The following WDR46 variants were observed in gnomAD, a reference collection of about 807,000 sequenced individuals.
WDR46 encodes the protein WD repeat-containing protein 46.
Under a neutral mutation model 74.7 loss-of-function variants are expected in WDR46, and 58 were observed. The ratio of observed to expected loss-of-function variants is 0.78; its 90% CI spans 0.63 to 0.97. WDR46 has a LOEUF of 0.97. WDR46 is among the 50% of genes least tolerant of loss of function. WDR46 has a pLI of 0.00. For missense variants in WDR46, 702 were observed against 790.1 expected (o/e 0.89, Z 1.34); for synonymous variants, 278 against 297.3 (o/e 0.93, Z 0.67).
chr6:33,282,023 T>A (rs1313033278), intron 10 of WDR46, among the ~76,000 whole-genome samples: 1 of 152,156 alleles, frequency 6.6e-6, no homozygotes, highest in Non-Finnish European at 1.5e-5. Flanking sequence ...GGTTTCGCCA[T>A]GTTGACCACG....
intron 12 of WDR46, among the ~76,000 whole-genome samples, chr6:33,280,214 G>C (rs1452670575): frequency 6.7e-6 from 1 of 149,002 alleles, no homozygotes; most frequent in Non-Finnish European, 1.5e-5. Flanking sequence ...CCGTCCAGGA[G>C]AGGGGAATCT....
chr6:33,285,407 CATGG>C (rs1326441580), intron 10 of WDR46, among the ~76,000 whole-genome samples: 1 of 151,798 alleles, frequency 6.6e-6, no homozygotes, highest in African/African-American at 2.4e-5. Flanking sequence ...TTTGCCATGT[CATGG>C]GTGACATGGC....
At position 33,288,874 on chromosome 6, in the gene WDR46, G is replaced by A. The variant is rs750504323; in HGVS notation, c.209C>T (p.Ser70Phe). The A allele has an allele frequency of 6.2e-7, 1 of 1,614,020 alleles. No individual in the cohort carries two copies. ...NAYILKKSRISKKPQVPKKPR... is the reference protein window; with the variant it reads ...NAYILKKSRIFKKPQVPKKPR... ...TTTCTTCGGGACCTGAGGCTTCTTA[G>A]AGATCCGAGACTTCTTTAAGATGTA... is the stretch of plus-strand genomic sequence containing the variant. The change falls in exon 2 of 15, where the codon TCT becomes TTT. Residue 70 changes from serine (S) to phenylalanine (F), a missense_variant. Coordinates refer to ENST00000374617, the MANE Select transcript of WDR46 (RefSeq NM_005452.6).
rs1766060143 is a variant in WDR46 at position 33,280,440 on chromosome 6, G to A, written c.1512C>T (p.Ala504=). The change falls in exon 12 of 15, where the codon GCC becomes GCT. Residue 504 remains alanine (A), a synonymous_variant. Transcript: ENST00000374617. ...AGGGGAGCCTCACCTTCTCTAGCAG[G>A]GCCTTCACCTCCCACTCCTGGCGCT... ...RKQRQEWEVK[A]LLEKVPAELI... 1 of 1,580,692 alleles carries A rather than the reference G, an allele frequency of 6.3e-7. No homozygotes were observed. The highest frequency in any genetic ancestry group is 1.3e-5 in the African/African-American group (1 of 74,492).
In WDR46 at chr6:33,288,426, A is replaced by G. The variant is rs1283110918; in HGVS notation, c.405T>C (p.Ala135=). The change falls in exon 4 of 15, where the codon GCT becomes GCC. Residue 135 remains alanine, a synonymous_variant. Coordinates refer to ENST00000374617, the MANE Select transcript of WDR46 (RefSeq NM_005452.6). ...KAKTRSRLEV[A]EAEEEETSIK... ...TACTTGTTTCCTCTTCCTCAGCTTC[A>G]GCCACCTCAAGTCGGCTTCGAGTTT... 6.2e-7 allele frequency: 1 copy of G among 1,614,178 alleles called. No individual in the cohort carries two copies. The highest frequency in any genetic ancestry group is 8.5e-7 in the Non-Finnish European group (1 of 1,180,044).
Position 33,288,003 on chromosome 6 carries a change from C to T in WDR46, c.585G>A (p.Gln195=). The T allele has an allele frequency of 1.2e-6, 2 of 1,614,228 alleles. No homozygotes were observed. The highest frequency in any genetic ancestry group is 1.7e-6 in the Non-Finnish European group (2 of 1,180,036). The change falls in exon 6 of 15, where the codon CAG becomes CAA. Residue 195 remains glutamine (Q), a synonymous_variant. Coordinates refer to ENST00000374617, the MANE Select transcript of WDR46 (RefSeq NM_005452.6). ...AGTAGTTTAGTCTGTAGGGTCCAAACTGCCGCAGATTCAAGTCAAAGTGCT... is the reference window on the plus strand; with the variant it reads ...AGTAGTTTAGTCTGTAGGGTCCAAATTGCCGCAGATTCAAGTCAAAGTGCT... ...AAKHFDLNLR[Q]FGPYRLNYSR... is the part of the protein sequence containing the mutation.
At chr6:33,286,136 G>A (rs559781624) in intron 10 of WDR46, among the ~76,000 whole-genome samples, 1 of 132,722 alleles carries the variant, frequency 7.5e-6, no homozygotes, top group South Asian at 2.3e-4. Flanking sequence ...GCAAGACTAC[G>A]TCTCTCTCAA....
At chr6:33,283,208 C>CA (rs556685212) in intron 10 of WDR46, among the ~76,000 whole-genome samples, 45 of 143,314 alleles carry the variant, frequency 3.1e-4, no homozygotes, top group East Asian at 1.4e-3. Flanking sequence ...GACTCCGTCT[C>CA]AAAAAAAAAA....
At chr6:33,284,895 G>A (rs373731993) in intron 10 of WDR46, 1 of 153,800 alleles carries the variant, frequency 6.5e-6, no homozygotes, top group Non-Finnish European at 1.5e-5. Flanking sequence ...GAGTGGTCAC[G>A]ACAGCGACTA....
rs1767042010 is a variant in WDR46 at position 33,289,193 on chromosome 6, C to T, written c.-23G>A. ...CATCTCGCCCACCCGAACGGCGATC[C>T]ACGTGCAAAACTCCTCTCAGCTGCC... On this transcript the variant is annotated 5_prime_UTR_variant, in exon 1 of 15. Coordinates refer to ENST00000374617, the MANE Select transcript of WDR46 (RefSeq NM_005452.6). 1 of 1,603,808 alleles carries T rather than the reference C, an allele frequency of 6.2e-7. No individual in the cohort carries two copies. The highest frequency in any genetic ancestry group is 1.7e-5 in the Admixed American group (1 of 57,800).
chr6:33,289,051 C>A lies in WDR46; in HGVS notation c.70-38G>T. 6 of 1,611,734 alleles carry A rather than the reference C, an allele frequency of 3.7e-6. 1 individual carries two copies. In the South Asian group the frequency reaches 6.6e-5, roughly 18 times the overall value. ...CAGGAACTCCGCACTCACGCCCCGC[C>A]CCCCGACCCCACAGCTAAAAACTTC... is the stretch of plus-strand genomic sequence containing the variant. On this transcript the variant is annotated intron_variant, in intron 1 of 14. Coordinates refer to ENST00000374617, the MANE Select transcript of WDR46 (RefSeq NM_005452.6).
chr6:33,282,831 C>T (rs897788918), intron 10 of WDR46, among the ~76,000 whole-genome samples: 2 of 152,244 alleles, frequency 1.3e-5, no homozygotes, highest in Non-Finnish European at 2.9e-5. Flanking sequence ...GGCAGAAACC[C>T]TTGGGCAGGC....
chr6:33,288,951 A>G lies in WDR46; in HGVS notation c.132T>C (p.Pro44=). 6.2e-7 allele frequency: 1 copy of G among 1,613,966 alleles called. No homozygotes were observed. Residue 44 remains proline (P), a synonymous_variant, in exon 2 of 15, where the codon CCT becomes CCC. Coordinates refer to ENST00000374617, the MANE Select transcript of WDR46 (RefSeq NM_005452.6). ...VPTTAGASPG[P]PRNKKNRELR... is the part of the protein sequence containing the mutation. ...GCTCCCGATTCTTCTTGTTACGAGG[A>G]GGCCCTGGAGAGGCTCCGGCTGTGG...
chr6:33,280,824 C>T lies in WDR46; in HGVS notation c.1279G>A (p.Ala427Thr). The T allele has an allele frequency of 6.2e-7, 1 of 1,614,176 alleles. No individual in the cohort carries two copies. Among genetic ancestry groups the T allele is most frequent in the African/African-American group, 1.3e-5 (1 of 75,066 alleles). ...AGMGDVVNIW[A>T]GQGKASPPSL... is the part of the protein sequence containing the mutation. ...GGTGGGCTGGCCTTGCCCTGCCCTG[C>T]CCAGATGTTGACAACGTCACCCATT... The change falls in exon 11 of 15, where the codon GCA (alanine) becomes ACA (threonine). Residue 427 changes from alanine (A) to threonine (T), a missense_variant. By Grantham distance (58) the Ala-to-Thr change is moderately conservative. Transcript: ENST00000374617.
rs1179188718 is a variant in WDR46 at position 33,279,352 on chromosome 6, T to C, written c.1757A>G (p.Gln586Arg). ...CTTCGCCTCCTTATGATGCTGCTGC[T>C]GAAGGCTCTGCCGGACCTTGTCCTG... The part of the protein sequence containing the change: ...EHRDKVRQSL[Q>R]QQHHKEAKAK... The change falls in exon 15 of 15, where the codon CAG becomes CGG. Residue 586 changes from glutamine (Q) to arginine (R), a missense_variant. By Grantham distance (43) the Gln-to-Arg change is conservative. Transcript: ENST00000374617. 6.2e-7 allele frequency: 1 copy of C among 1,614,134 alleles called. No individual in the cohort carries two copies. The highest frequency in any genetic ancestry group is 2.2e-5 in the East Asian group (1 of 44,890).
chr6:33,280,409 T>C lies in WDR46; in HGVS notation c.1524+19A>G, dbSNP rs1351120213. 1 of 1,558,506 alleles carries C rather than the reference T, an allele frequency of 6.4e-7. No individual in the cohort carries two copies. Among genetic ancestry groups the C allele is most frequent in the East Asian group, 2.4e-5 (1 of 41,844 alleles). On this transcript the variant is annotated intron_variant, in intron 12 of 14. Coordinates refer to ENST00000374617, the MANE Select transcript of WDR46 (RefSeq NM_005452.6). ...CAGCAATGGGGGGGATCTCACCCTC[T>C]CCAGCAGGGGAGCCTCACCTTCTCT... is the stretch of plus-strand genomic sequence containing the variant.
chr6:33,279,647 T>A (rs1369993862), intron 13 of WDR46, 37 bp from the exon 14 acceptor site: 1 of 1,613,620 alleles, frequency 6.2e-7, no homozygotes, highest in East Asian at 2.2e-5. Flanking sequence ...TGTTACAGCC[T>A]CGGAGTCAGG....
In WDR46 at chr6:33,289,021, C is replaced by T; in HGVS notation, c.70-8G>A. ...CCAGTATCGCCGCGGTTTCTACAGGCACATCAGGAACTCCGCACTCACGCC... is the reference window on the plus strand; with the variant it reads ...CCAGTATCGCCGCGGTTTCTACAGGTACATCAGGAACTCCGCACTCACGCC... On this transcript the variant is annotated splice_polypyrimidine_tract_variant and splice_region_variant and intron_variant, in intron 1 of 14. Transcript: ENST00000374617. The T allele has an allele frequency of 1.2e-6, 2 of 1,613,980 alleles. No individual in the cohort carries two copies. The highest frequency in any genetic ancestry group is 1.7e-6 in the Non-Finnish European group (2 of 1,179,938).
intron 13 of WDR46, 59 bp from the exon 14 acceptor site, chr6:33,279,669 AC>A: frequency 6.2e-7 from 1 of 1,612,360 alleles, no homozygotes; most frequent in Non-Finnish European, 8.5e-7. Flanking sequence ...AACTGGCAGC[AC>A]CCACCTGCTG....
Sources: gnomAD v4.1 joint callset for allele counts (sites outside exome capture counted in the v4.1 genomes callset) on GRCh38, gnomAD v4.1.1 for gene constraint, MANE v1.5 for transcripts, NCBI Gene and HGNC (gene_info 2026-07-23, HGNC 2026-07-21) for gene names.